Variants in RTTN observed in about 807,000 individuals in gnomAD.
RTTN encodes the protein rotatin.
A neutral mutation model predicts 269.2 loss-of-function variants in RTTN; 182 were observed. The observed-to-expected ratio is 0.68, with a 90% CI of 0.60 to 0.76. RTTN has a LOEUF of 0.76. Among genes scored for constraint, RTTN ranks in the 30% least tolerant of loss-of-function variants. The probability of loss-of-function intolerance (pLI) is 0.00; values close to 1 mark genes in which losing one functional copy is unlikely to be tolerated. For missense variants in RTTN, 2,545 were observed against 2,608.6 expected, an observed-to-expected ratio of 0.98 and a Z score of 0.53; for synonymous variants, 1,006 against 963.5, an observed-to-expected ratio of 1.04 and a Z score of -0.82.
At chr18:70,086,752 G>GT in intron 31 of RTTN, 68 bp from the exon 32 acceptor site, 1 of 1,335,152 alleles carries the variant, frequency 7.5e-7, no homozygotes. Context: ...CTGCCATCTT[G>GT]TGGTCATCTC....
At chr18:70,115,379 C>T (rs1300472884) in intron 26 of RTTN, among the ~76,000 whole-genome samples, 1 of 150,540 alleles carries the variant, frequency 6.6e-6, no homozygotes, top group East Asian at 1.9e-4. Flanking sequence ...TCCTCTTTTC[C>T]CAACTAAAAA....
chr18:70,114,775 C>T (rs1412316375), intron 26 of RTTN, among the ~76,000 whole-genome samples, 176 bp from the exon 27 acceptor site: 1 of 151,500 alleles, frequency 6.6e-6, no homozygotes, highest in African/African-American at 2.4e-5. Flanking sequence ...AATATATTCT[C>T]AACAAAAGAA....
intron 28 of RTTN, among the ~76,000 whole-genome samples, chr18:70,100,318 A>G (rs1180997350): frequency 2.6e-5 from 4 of 152,130 alleles, no homozygotes; most frequent in African/African-American, 9.7e-5. Flanking sequence ...TTGGATTCCT[A>G]GGTATTTTAT....
intron 26 of RTTN, 93 bp downstream of exon 26, chr18:70,121,463 A>G: frequency 1.8e-6 from 2 of 1,105,820 alleles, no homozygotes; most frequent in Non-Finnish European, 1.3e-6. Context: ...CATAGACAAT[A>G]TAAAATTATC....
chr18:70,030,927 A>G lies in RTTN; in HGVS notation c.5596T>C (p.Leu1866=). The change falls in exon 41 of 49, where the codon TTG becomes CTG. Residue 1866 remains leucine, a synonymous_variant. Transcript: ENST00000640769. ...DILKRVAANA[L]MSLLAVSRRA... ...CTACTGACAGCCAGCAGTGACATCA[A>G]TGCATTTGCAGCTACTCTTTTCAGG... is the stretch of plus-strand genomic sequence containing the variant. 1.2e-6 allele frequency: 2 copies of G among 1,613,776 alleles called. No homozygotes were observed. The highest frequency in any genetic ancestry group is 1.7e-6 in the Non-Finnish European group (2 of 1,179,888).
intron 36 of RTTN, 49 bp from the exon 37 acceptor site, chr18:70,057,881 T>C: frequency 7.7e-7 from 1 of 1,296,142 alleles, no homozygotes; most frequent in Non-Finnish European, 1.1e-6. Context: ...GTATACTTTT[T>C]ATTAAAGATT....
chr18:70,112,640 A>G (rs2059502086), intron 27 of RTTN, among the ~76,000 whole-genome samples: 1 of 152,192 alleles, frequency 6.6e-6, no homozygotes, highest in Non-Finnish European at 1.5e-5. Flanking sequence ...ATATGCACCC[A>G]ATACAGGAGC....
At chr18:70,187,448 T>C (rs1489359549) in intron 10 of RTTN, among the ~76,000 whole-genome samples, 1 of 152,018 alleles carries the variant, frequency 6.6e-6, no homozygotes, top group Admixed American at 6.6e-5. Flanking sequence ...TAAAGGTAAC[T>C]GGATGGGAGA....
chr18:70,087,078 C>T (rs1052495395), intron 31 of RTTN, among the ~76,000 whole-genome samples: 8 of 151,988 alleles, frequency 5.3e-5, no homozygotes, highest in African/African-American at 1.7e-4. Flanking sequence ...CACAAACACA[C>T]GCACCCCTCT....
intron 5 of RTTN, among the ~76,000 whole-genome samples, chr18:70,198,433 G>A (rs767149172): frequency 3.9e-5 from 6 of 152,100 alleles, no homozygotes; most frequent in Admixed American, 6.5e-5. Context: ...TTTGCCTCTC[G>A]AATATGTTGT....
At position 70,028,712 on chromosome 18, in the gene RTTN, A is replaced by G. The variant is rs1399816773; in HGVS notation, c.5823+12T>C. 1.3e-6 allele frequency: 2 copies of G among 1,570,664 alleles called. No individual in the cohort carries two copies. Among genetic ancestry groups the G allele is most frequent in the Non-Finnish European group, 1.7e-6 (2 of 1,145,742 alleles). ...TACTCCTATTAAAATTTTGAAAAGT[A>G]GTTCTACTTACTTTACATTCCTCAT... On this transcript the variant is annotated intron_variant, in intron 43 of 48. Transcript: ENST00000640769.
At chr18:70,151,614 T>C (rs2060540819) in intron 14 of RTTN, among the ~76,000 whole-genome samples, 1 of 152,160 alleles carries the variant, frequency 6.6e-6, no homozygotes, top group Admixed American at 6.5e-5. Context: ...GTTAACTTCA[T>C]GCCACAGACA....
At chr18:70,117,691 A>G (rs2059635607) in intron 26 of RTTN, among the ~76,000 whole-genome samples, 1 of 152,056 alleles carries the variant, frequency 6.6e-6, no homozygotes, top group Non-Finnish European at 1.5e-5. Context: ...TATAAAATAT[A>G]CATAAACCTT....
chr18:70,133,366 C>T (rs1293615158), intron 23 of RTTN, among the ~76,000 whole-genome samples: 1 of 152,164 alleles, frequency 6.6e-6, no homozygotes, highest in Admixed American at 6.5e-5. Flanking sequence ...CTTCGTAATA[C>T]TGTCTGGTAA....
In RTTN at chr18:70,080,927, A is replaced by ATC. The variant is rs200467853; in HGVS notation, c.4375-5388_4375-5387dup. On this transcript the variant is annotated intron_variant, in intron 32 of 48. Transcript: ENST00000640769. ...GAGTGGATAAACTGGTGTGTGTGGT[A>ATC]TCACACACACACACACACACACACA... Among the ~76,000 whole-genome samples the ATC allele has an allele frequency of 4.5e-3, 408 of 89,940 alleles. 2 individuals carry two copies. Among genetic ancestry groups the ATC allele is most frequent in the African/African-American group, 0.014 (392 of 27,046 alleles). The allele number at this position is 89,940 out of a possible 152,430, so 59.0% of individuals were successfully genotyped here.
intron 10 of RTTN, among the ~76,000 whole-genome samples, chr18:70,184,900 A>G (rs182778567): frequency 2.0e-5 from 3 of 152,048 alleles, no homozygotes; most frequent in Non-Finnish European, 2.9e-5. Context: ...CATATCAGAA[A>G]AAAAAAACAA....
intron 10 of RTTN, among the ~76,000 whole-genome samples, chr18:70,184,716 T>TTGTGTGTGTGTGTGTG (rs1555776912): frequency 1.5e-4 from 5 of 33,462 alleles, no homozygotes; most frequent in African/African-American, 3.2e-4. Context: ...TTTTTTTTTT[T>TTGTGTGTGTGTGTGTG]TGTGTGTGTG....
At chr18:70,025,231 T>C (rs2056820849) in intron 43 of RTTN, among the ~76,000 whole-genome samples, 1 of 152,192 alleles carries the variant, frequency 6.6e-6, no homozygotes, top group South Asian at 2.1e-4. Flanking sequence ...TGAGTCCTCT[T>C]TGCCCACCCT....
intron 35 of RTTN, among the ~76,000 whole-genome samples, chr18:70,061,825 C>A (rs1310565387): frequency 6.6e-6 from 1 of 152,086 alleles, no homozygotes; most frequent in Non-Finnish European, 1.5e-5. Context: ...CAGAATGAGA[C>A]CTCATCTCTT....
Sources: gnomAD v4.1 joint callset for allele counts (sites outside exome capture counted in the v4.1 genomes callset) on GRCh38, gnomAD v4.1.1 for gene constraint, MANE v1.5 for transcripts, NCBI Gene and HGNC (gene_info 2026-07-23, HGNC 2026-07-21) for gene names.